The following MOXD1 variants were observed in gnomAD, a reference collection of about 807,000 sequenced individuals.
MOXD1 encodes DBH-like monooxygenase protein 1.
Under a neutral mutation model 66.6 loss-of-function variants are expected in MOXD1, and 62 were observed. That is an observed-to-expected ratio of 0.93 (90% CI 0.76 to 1.15). The LOEUF is 1.15. Among genes scored for constraint, MOXD1 ranks in the 50% most tolerant of loss-of-function variants. The probability of loss-of-function intolerance (pLI) is 0.00; values close to 1 mark genes in which losing one functional copy is unlikely to be tolerated. For missense variants in MOXD1, 847 were observed against 754.6 expected (o/e 1.12, Z -1.44); for synonymous variants, 303 against 281.9 (o/e 1.07, Z -0.75).
At chr6:132,381,153 A>G (rs958210767) in intron 1 of MOXD1, among the ~76,000 whole-genome samples, 6 of 152,240 alleles carry the variant, frequency 3.9e-5, no homozygotes, top group Admixed American at 1.3e-4. Flanking sequence ...AAATACATGC[A>G]TATATTTGAA....
intron 4 of MOXD1, among the ~76,000 whole-genome samples, chr6:132,349,906 C>T (rs772873966): frequency 5.9e-5 from 9 of 152,154 alleles, no homozygotes; most frequent in Non-Finnish European, 1.3e-4. Flanking sequence ...TGCTTGTTGG[C>T]TATTTGTATA....
At chr6:132,300,616 T>C (rs1330686061) in intron 10 of MOXD1, among the ~76,000 whole-genome samples, 1 of 152,212 alleles carries the variant, frequency 6.6e-6, no homozygotes, top group Non-Finnish European at 1.5e-5. Flanking sequence ...TATACACAGA[T>C]GAAATCTTAA....
intron 1 of MOXD1, chr6:132,392,388 C>A: frequency 6.7e-7 from 1 of 1,496,108 alleles, no homozygotes. Context: ...CATGCAAATT[C>A]AACAGGCATA....
At chr6:132,400,923 T>G (rs1777008748) in intron 1 of MOXD1, among the ~76,000 whole-genome samples, 1 of 152,008 alleles carries the variant, frequency 6.6e-6, no homozygotes, top group Admixed American at 6.5e-5. Flanking sequence ...GACAGGAAAG[T>G]GTTCAAAGAA....
intron 8 of MOXD1, 24 bp downstream of exon 8, chr6:132,322,638 CTTTCATAACAGTCAATG>C: frequency 6.4e-7 from 1 of 1,569,326 alleles, no homozygotes; most frequent in South Asian, 1.2e-5. Flanking sequence ...TGTCTCATGA[CTTTCATAACAGTCAATG>C]AAAAAGAACA....
chr6:132,398,868 G>C (rs1055427664), intron 1 of MOXD1, among the ~76,000 whole-genome samples: 1 of 147,160 alleles, frequency 6.8e-6, no homozygotes, highest in African/African-American at 2.5e-5. Context: ...GAACCTGAGA[G>C]GTGAGGTTGC....
intron 4 of MOXD1, among the ~76,000 whole-genome samples, chr6:132,363,238 A>T (rs34390977): frequency 0.23 from 35,065 of 151,246 alleles, 4,543 homozygotes; most frequent in African/African-American, 0.35. Flanking sequence ...AAAAAAACCA[A>T]AGAGACTCAA....
intron 7 of MOXD1, among the ~76,000 whole-genome samples, chr6:132,323,217 T>C (rs1775117097): frequency 6.6e-6 from 1 of 152,192 alleles, no homozygotes; most frequent in Non-Finnish European, 1.5e-5. Context: ...TAAAAGGAAA[T>C]ATTATTCCCA....
intron 4 of MOXD1, among the ~76,000 whole-genome samples, chr6:132,342,699 C>T (rs1775589019): frequency 6.6e-6 from 1 of 152,102 alleles, no homozygotes; most frequent in African/African-American, 2.4e-5. Flanking sequence ...TTTCAAATTC[C>T]AGCATTTCAC....
chr6:132,348,055 G>C (rs776002119), intron 4 of MOXD1, among the ~76,000 whole-genome samples: 29 of 152,108 alleles, frequency 1.9e-4, no homozygotes, highest in Non-Finnish European at 4.0e-4. Flanking sequence ...ATCCTAGGTA[G>C]ATACCCCCGA....
chr6:132,389,470 G>C (rs1776712397), intron 1 of MOXD1, among the ~76,000 whole-genome samples: 1 of 151,258 alleles, frequency 6.6e-6, no homozygotes, highest in South Asian at 2.1e-4. Flanking sequence ...AACCATATAA[G>C]GTCAGTAGTT....
At chr6:132,354,560 G>A (rs1775870876) in intron 4 of MOXD1, among the ~76,000 whole-genome samples, 1 of 152,202 alleles carries the variant, frequency 6.6e-6, no homozygotes, top group Non-Finnish European at 1.5e-5. Flanking sequence ...GGAGGTGGCA[G>A]GGAGATGAAA....
chr6:132,359,904 C>T (rs1219191365), intron 4 of MOXD1, among the ~76,000 whole-genome samples: 2 of 152,198 alleles, frequency 1.3e-5, no homozygotes, highest in Non-Finnish European at 2.9e-5. Context: ...TTCAATATTA[C>T]AAAATGGGGA....
chr6:132,374,864 G>C (rs1385788460), intron 1 of MOXD1, 87 bp from the exon 2 acceptor site: 2 of 1,289,262 alleles, frequency 1.6e-6, no homozygotes, highest in Non-Finnish European at 2.2e-6. Context: ...AAGTCTTGTT[G>C]TCTAGAGTTA....
intron 10 of MOXD1, among the ~76,000 whole-genome samples, chr6:132,304,663 G>T (rs909699253): frequency 6.6e-6 from 1 of 152,132 alleles, no homozygotes; most frequent in African/African-American, 2.4e-5. Context: ...GTAACTTGTT[G>T]TGTATAAGTA....
At chr6:132,377,318 A>G (rs1178546615) in intron 1 of MOXD1, among the ~76,000 whole-genome samples, 2 of 152,178 alleles carry the variant, frequency 1.3e-5, no homozygotes, top group African/African-American at 4.8e-5. Flanking sequence ...ACAATGAGAG[A>G]TTTAGATCAG....
chr6:132,318,941 C>T lies in MOXD1; in HGVS notation c.1365+1688G>A, dbSNP rs138020710. Among the ~76,000 whole-genome samples, 739 of 152,096 alleles carry T rather than the reference C, an allele frequency of 4.9e-3. 7 individuals are homozygous for T. Among genetic ancestry groups the T allele is most frequent in the African/African-American group, 0.017 (704 of 41,550 alleles). On this transcript the variant is annotated intron_variant, in intron 9 of 11. Coordinates refer to ENST00000367963, the MANE Select transcript of MOXD1 (RefSeq NM_015529.4). ...TTATCCTTTTCCATTTATCTAAATG[C>T]TATGTCTATCATAAACCAAGTTTCC... is the stretch of plus-strand genomic sequence containing the variant.
chr6:132,320,159 G>A (rs1307993882), intron 9 of MOXD1, among the ~76,000 whole-genome samples: 1 of 152,152 alleles, frequency 6.6e-6, no homozygotes, highest in Non-Finnish European at 1.5e-5. Context: ...GTTCCTGAAA[G>A]AGATTGAGTA....
intron 4 of MOXD1, among the ~76,000 whole-genome samples, chr6:132,354,956 C>A (rs1582590552): frequency 6.6e-6 from 1 of 152,214 alleles, no homozygotes; most frequent in South Asian, 2.1e-4. Flanking sequence ...AGTCACAGGC[C>A]TCACTCAGCT....
Sources: gnomAD v4.1 joint callset for allele counts (sites outside exome capture counted in the v4.1 genomes callset) on GRCh38, gnomAD v4.1.1 for gene constraint, MANE v1.5 for transcripts, NCBI Gene and HGNC (gene_info 2026-07-23, HGNC 2026-07-21) for gene names.